NUBP1: variants seen among roughly 807,000 people sequenced by gnomAD.
The protein encoded by NUBP1 is cytosolic Fe-S cluster assembly factor NUBP1.
NUBP1 carries 46 observed loss-of-function variants against 41.8 expected under a neutral mutation model. The observed-to-expected ratio is 1.10, with a 90% CI of 0.87 to 1.41. The LOEUF is 1.41. NUBP1 is among the 40% of genes most tolerant of loss of function. The probability of loss-of-function intolerance (pLI) is 0.00; values close to 1 mark genes in which losing one functional copy is unlikely to be tolerated. For synonymous variants in NUBP1, 189 were observed against 154.6 expected (o/e 1.22, Z -1.65); for missense variants, 494 against 414.0 (o/e 1.19, Z -1.68).
rs58201009 is a variant in NUBP1, at chr16:10,749,126, TACACACACACACACAC to T, written c.258+1879_258+1894del. Reference sequence around the variant, plus strand: ...GGATATAGATAGATACACAGACACATACACACACACACACACACACACACACACACACACACACACA... The same window carrying T: ...GGATATAGATAGATACACAGACACATACACACACACACACACACACACACA... On this transcript the variant is annotated intron_variant, in intron 3 of 10. Transcript: ENST00000283027. The surrounding 1 kb of genome is among the most constrained non-coding windows in gnomAD (Gnocchi z 4.1). Among the ~76,000 whole-genome samples the T allele has an allele frequency of 1.6e-4, 19 of 121,090 alleles. No individual in the cohort carries two copies. The highest frequency in any genetic ancestry group is 1.2e-3 in the Admixed American group (15 of 12,774). The allele number at this position is 121,090 out of a possible 152,430, so 79.4% of individuals were successfully genotyped here.
At position 10,744,078 on chromosome 16, in the gene NUBP1, C is replaced by G; in HGVS notation, c.124+13C>G. The stretch of plus-strand genomic sequence containing the variant: ...ACTCCGGACACGGGTGAGAAAAGGG[C>G]AAGGCCTCAACAGGAACTTAGAGGC... On this transcript the variant is annotated intron_variant, in intron 2 of 10. Transcript: ENST00000283027. 1.9e-6 allele frequency: 3 copies of G among 1,546,854 alleles called. No homozygotes were observed.
rs1166766293 is a variant in NUBP1, at chr16:10,744,066, G to A, written c.124+1G>A. On this transcript the variant is annotated splice_donor_variant, in intron 2 of 10. Coordinates refer to ENST00000283027, the MANE Select transcript of NUBP1 (RefSeq NM_002484.4). LOFTEE classifies it high-confidence loss of function. ...GGAGCGGGGGCCACTCCGGACACGGGTGAGAAAAGGGCAAGGCCTCAACAG... is the reference window on the plus strand; with the variant it reads ...GGAGCGGGGGCCACTCCGGACACGGATGAGAAAAGGGCAAGGCCTCAACAG... 1 of 1,573,768 alleles carries A rather than the reference G, an allele frequency of 6.4e-7. No homozygotes were observed. The highest frequency in any genetic ancestry group is 8.6e-7 in the Non-Finnish European group (1 of 1,165,062).
Position 10,755,753 on chromosome 16 carries a change from G to A in NUBP1, c.360G>A (p.Val120=), listed in dbSNP as rs762687416. ...AGAGTGGCTCAGGCTGGTCTCCAGTGGTGAGTTTTCACCTCTTTGCCCTAT... is the reference window on the plus strand; with the variant it reads ...AGAGTGGCTCAGGCTGGTCTCCAGTAGTGAGTTTTCACCTCTTTGCCCTAT... The part of the protein sequence containing the change: ...VHQSGSGWSP[V]YVEDNLGVMS... The change falls in exon 5 of 11, where the codon GTG becomes GTA. Residue 120 remains valine, a splice_region_variant and synonymous_variant. Coordinates refer to ENST00000283027, the MANE Select transcript of NUBP1 (RefSeq NM_002484.4). 5 of 1,614,068 alleles carry A rather than the reference G, an allele frequency of 3.1e-6. No individual in the cohort carries two copies. The South Asian group carries it at 5.5e-5, about 18-fold the overall frequency.
rs1596451042 is a variant in NUBP1, at chr16:10,749,305, C to T, written c.258+2029C>T. Among the ~76,000 whole-genome samples, 1 of 152,192 alleles carries T rather than the reference C, an allele frequency of 6.6e-6. No individual in the cohort carries two copies. The highest frequency in any genetic ancestry group is 6.6e-5 in the Admixed American group (1 of 15,262). On this transcript the variant is annotated intron_variant, in intron 3 of 10. Coordinates refer to ENST00000283027, the MANE Select transcript of NUBP1 (RefSeq NM_002484.4). The surrounding 1 kb of genome is among the most constrained non-coding windows in gnomAD (Gnocchi z 4.1). ...TTAGAAGAATCTTTGCTTTTCGAAG[C>T]TGTCAGGAATATTCCTAAACAGCTC...
intron 8 of NUBP1, 47 bp from the exon 9 acceptor site, chr16:10,761,710 A>C: frequency 2.0e-6 from 3 of 1,480,602 alleles, no homozygotes; most frequent in Non-Finnish European, 1.9e-6. Flanking sequence ...CATCCTTGTG[A>C]TTCTGCAAAA....
At chr16:10,752,477 A>G in intron 3 of NUBP1, 133 bp from the exon 4 acceptor site, 3 of 683,948 alleles carry the variant, frequency 4.4e-6, no homozygotes, top group Non-Finnish European at 7.9e-6. Flanking sequence ...GGAGAATCTG[A>G]TGGCTCCAAG....
chr16:10,751,583 G>C (rs1248528575), intron 3 of NUBP1, among the ~76,000 whole-genome samples: 1 of 152,180 alleles, frequency 6.6e-6, no homozygotes, highest in African/African-American at 2.4e-5. Flanking sequence ...CTTTGGATCC[G>C]AGTCATTGCA....
intron 6 of NUBP1, 142 bp downstream of exon 6, chr16:10,756,922 C>T (rs1475296612): frequency 1.7e-6 from 1 of 601,054 alleles, no homozygotes; most frequent in Non-Finnish European, 2.9e-6. Flanking sequence ...CCTCTTTCTT[C>T]ACTGGTTGAA....
Position 10,752,653 on chromosome 16 carries a change from A to G in NUBP1, c.302A>G (p.Lys101Arg). The G allele has an allele frequency of 6.2e-7, 1 of 1,613,878 alleles. No homozygotes were observed. The highest frequency in any genetic ancestry group is 1.3e-5 in the African/African-American group (1 of 75,052). ...DIDICGPSIP[K>R]IMGLEGEQVH... ...GATATATGTGGGCCATCGATTCCCA[A>G]GATAATGGGATTGGAAGGAGAGCAG... The change falls in exon 4 of 11, where the codon AAG becomes AGG. Residue 101 changes from lysine (K) to arginine (R), a missense_variant. Lys to Arg is a conservative substitution (Grantham distance 26, BLOSUM62 2). Coordinates refer to ENST00000283027, the MANE Select transcript of NUBP1 (RefSeq NM_002484.4).
At position 10,767,811 on chromosome 16, in the gene NUBP1, T is replaced by C. The variant is rs545784883; in HGVS notation, c.821-138T>C. 3.9e-6 allele frequency: 3 copies of C among 759,564 alleles called. No individual in the cohort carries two copies. Among genetic ancestry groups the C allele is most frequent in the Non-Finnish European group, 4.4e-6 (2 of 456,834 alleles). 47.1% of individuals were successfully genotyped at this position (759,564 alleles called of 1,614,324 possible). A position where few individuals can be genotyped will look rare whatever the true frequency, so the allele number is the denominator to read the frequency against. ...AGGTCCCTGAGACCCCACTGGTCTTTTCTACTTTGTTCTTCATTACGAGTG... is the reference window on the plus strand; with the variant it reads ...AGGTCCCTGAGACCCCACTGGTCTTCTCTACTTTGTTCTTCATTACGAGTG... On this transcript the variant is annotated intron_variant, in intron 9 of 10. Transcript: ENST00000283027. This position sits in a 1 kb window ranked among gnomAD's most constrained non-coding sequence, Gnocchi z 4.6.
intron 9 of NUBP1, chr16:10,762,147 C>A: frequency 3.5e-6 from 1 of 284,942 alleles, no homozygotes; most frequent in Non-Finnish European, 6.7e-6. Context: ...CTGAGGAGGG[C>A]ACCCGATAGA....
chr16:10,756,867 T>G (rs1900594867), intron 6 of NUBP1, 87 bp downstream of exon 6: 1 of 1,044,246 alleles, frequency 9.6e-7, no homozygotes, highest in Non-Finnish European at 1.4e-6. Flanking sequence ...CCTGCCAGTC[T>G]CAGCCTGCTG....
chr16:10,743,881 C>G lies in NUBP1; in HGVS notation c.18C>G (p.His6Gln). The change falls in exon 1 of 11, where the codon CAC becomes CAG. Residue 6 changes from histidine to glutamine, a missense_variant and splice_region_variant. Coordinates refer to ENST00000283027, the MANE Select transcript of NUBP1 (RefSeq NM_002484.4). Reference protein sequence around the residue: MEEVPHDCPGADSAQA... With the variant: MEEVPQDCPGADSAQA... ...GCGACGGAATGGAGGAGGTGCCTCA[C>G]GGTAAGCTCGCGGAGGGGGCGTGGG... 1 of 1,567,154 alleles carries G rather than the reference C, an allele frequency of 6.4e-7. No individual in the cohort carries two copies. The highest frequency in any genetic ancestry group is 8.6e-7 in the Non-Finnish European group (1 of 1,157,676).
In NUBP1 at chr16:10,754,034, G is replaced by A. The variant is rs562471365; in HGVS notation, c.327+1356G>A. Reference sequence around the variant, plus strand: ...TGGATTTGGTAGCACACGCCACAGTGAAGGTATAAGCTACTGTCATCACAC... The same window carrying A: ...TGGATTTGGTAGCACACGCCACAGTAAAGGTATAAGCTACTGTCATCACAC... On this transcript the variant is annotated intron_variant, in intron 4 of 10. Coordinates refer to ENST00000283027, the MANE Select transcript of NUBP1 (RefSeq NM_002484.4). Among the ~76,000 whole-genome samples, 9 of 152,256 alleles carry A rather than the reference G, an allele frequency of 5.9e-5. No homozygotes were observed. The South Asian group carries it at 1.7e-3, about 28-fold the overall frequency.
intron 4 of NUBP1, 50 bp from the exon 5 acceptor site, chr16:10,755,671 C>G (rs763159224): frequency 6.3e-7 from 1 of 1,578,986 alleles, no homozygotes; most frequent in South Asian, 1.1e-5. Context: ...TGAAATGTGA[C>G]CAGGGTACAT....
rs146211035 is a variant in NUBP1 at position 10,749,951 on chromosome 16, A to G, written c.259-2659A>G. Among the ~76,000 whole-genome samples the G allele has an allele frequency of 6.6e-6, 1 of 152,246 alleles. No individual in the cohort carries two copies. The highest frequency in any genetic ancestry group is 1.5e-5 in the Non-Finnish European group (1 of 68,040). On this transcript the variant is annotated intron_variant, in intron 3 of 10. Transcript: ENST00000283027. This position sits in a 1 kb window ranked among gnomAD's most constrained non-coding sequence, Gnocchi z 4.1. ...ATAAGCCTGAGCCATGAGACAGCCA[A>G]GAGTCATACACTGTCTTCCACTGCA...
At chr16:10,745,586 A>C (rs1172957789) in intron 2 of NUBP1, among the ~76,000 whole-genome samples, 2 of 152,260 alleles carry the variant, frequency 1.3e-5, no homozygotes, top group Non-Finnish European at 2.9e-5. Context: ...TGACAGAAAC[A>C]TCTGTGGCCT....
rs1480873588 is a variant in NUBP1 at position 10,765,434 on chromosome 16, G to C, written c.821-2515G>C. ...AGTTAGCAGGATCACTTGAGCCCAG[G>C]GAGGTTGAGGTTGCAGTGAGCCATG... On this transcript the variant is annotated intron_variant, in intron 9 of 10. Coordinates refer to ENST00000283027, the MANE Select transcript of NUBP1 (RefSeq NM_002484.4). The surrounding 1 kb of genome is among the most constrained non-coding windows in gnomAD (Gnocchi z 4.0). Among the ~76,000 whole-genome samples, 2 of 151,996 alleles carry C rather than the reference G, an allele frequency of 1.3e-5. No homozygotes were observed. The highest frequency in any genetic ancestry group is 2.9e-5 in the Non-Finnish European group (2 of 67,996).
chr16:10,755,590 G>A (rs145210217), intron 4 of NUBP1, 131 bp from the exon 5 acceptor site: 55 of 898,488 alleles, frequency 6.1e-5, no homozygotes, highest in South Asian at 5.3e-4. Flanking sequence ...TAGGAATTTC[G>A]TGGTACCATG....
Sources: allele counts gnomAD v4.1 joint callset (sites outside exome capture counted in the v4.1 genomes callset), GRCh38; gene constraint gnomAD v4.1.1; non-coding constraint Gnocchi (gnomAD v3.1); transcripts MANE v1.5; gene names NCBI Gene and HGNC (gene_info 2026-07-23, HGNC 2026-07-21).